SCEL: variants seen among roughly 807,000 people sequenced by gnomAD.
SCEL encodes sciellin.
Under a neutral mutation model 117.6 loss-of-function variants are expected in SCEL, and 113 were observed. The observed-to-expected ratio is 0.96, with a 90% confidence interval of 0.83 to 1.12. The LOEUF (loss-of-function observed/expected upper bound fraction) is 1.12. Among genes scored for constraint, SCEL ranks in the 50% most tolerant of loss-of-function variants. SCEL has a pLI of 0.00. For missense variants in SCEL, 785 were observed against 810.8 expected, an observed-to-expected ratio of 0.97 and a Z score of 0.39; for synonymous variants, 270 against 256.2, an observed-to-expected ratio of 1.05 and a Z score of -0.51.
chr13:77,602,039 C>T (rs558204753), intron 15 of SCEL, 26 bp from the exon 16 acceptor site: 2 of 1,588,986 alleles, frequency 1.3e-6, no homozygotes, highest in East Asian at 2.2e-5. Flanking sequence ...CTCTCTTTCT[C>T]TTTCTTTTCC....
chr13:77,546,051 G>A (rs1251559195), intron 1 of SCEL, among the ~76,000 whole-genome samples: 3 of 152,208 alleles, frequency 2.0e-5, no homozygotes, highest in African/African-American at 7.2e-5. Context: ...ACGTTATCAA[G>A]CTATCCAGTA....
intron 7 of SCEL, among the ~76,000 whole-genome samples, chr13:77,568,712 T>C (rs2085425051): frequency 6.6e-6 from 1 of 152,068 alleles, no homozygotes; most frequent in Non-Finnish European, 1.5e-5. Context: ...CTATGCCTCC[T>C]CCTTCAGAGA....
At position 77,589,232 on chromosome 13, in the gene SCEL, C is replaced by G; in HGVS notation, c.626+8C>G. ...GCTGAGACAGGATAATAGGTAAGAC[C>G]TAGTACTCCAGAATTTCTTGACAAA... is the stretch of plus-strand genomic sequence containing the variant. On this transcript the variant is annotated splice_region_variant and intron_variant, in intron 10 of 32. Coordinates refer to ENST00000349847, the MANE Select transcript of SCEL (RefSeq NM_144777.3). 1 of 1,586,784 alleles carries G rather than the reference C, an allele frequency of 6.3e-7. No homozygotes were observed. Among genetic ancestry groups the G allele is most frequent in the Non-Finnish European group, 8.6e-7 (1 of 1,156,696 alleles).
intron 9 of SCEL, among the ~76,000 whole-genome samples, chr13:77,572,619 C>T (rs539983703): frequency 6.6e-6 from 1 of 152,254 alleles, no homozygotes; most frequent in East Asian, 1.9e-4. Flanking sequence ...TCCTGGTAAT[C>T]ATTGACATTG....
chr13:77,599,660 C>T, intron 14 of SCEL, 29 bp from the exon 15 acceptor site: 1 of 1,533,600 alleles, frequency 6.5e-7, no homozygotes, highest in Non-Finnish European at 9.0e-7. Flanking sequence ...AGTATGCAGC[C>T]TTTTATGTGA....
intron 28 of SCEL, among the ~76,000 whole-genome samples, chr13:77,631,664 C>A (rs1172263434): frequency 3.3e-5 from 5 of 152,010 alleles, no homozygotes; most frequent in Admixed American, 3.3e-4. Context: ...AATTATCATC[C>A]TCAAAGTCTA....
chr13:77,538,186 G>A (rs375228173), intron 1 of SCEL, among the ~76,000 whole-genome samples: 35 of 150,252 alleles, frequency 2.3e-4, no homozygotes, highest in Non-Finnish European at 4.7e-4. Flanking sequence ...GCACAATCTC[G>A]GGTTACTGCA....
At chr13:77,629,956 A>G (rs926317769) in intron 28 of SCEL, among the ~76,000 whole-genome samples, 6 of 152,194 alleles carry the variant, frequency 3.9e-5, no homozygotes, top group African/African-American at 1.4e-4. Flanking sequence ...CAGTCAAGCA[A>G]GGGATGTCAG....
At chr13:77,630,367 C>A (rs1323615) in intron 28 of SCEL, among the ~76,000 whole-genome samples, 135,390 of 152,222 alleles carry the variant, frequency 0.89, 60,493 homozygotes, top group South Asian at 0.97. Context: ...TAAGAACTGT[C>A]ATACTTTTCA....
chr13:77,599,613 G>C, intron 14 of SCEL, 76 bp from the exon 15 acceptor site: 1 of 1,089,448 alleles, frequency 9.2e-7, no homozygotes, highest in Admixed American at 1.7e-5. Flanking sequence ...AATGTTTATT[G>C]CATTTGACCT....
intron 2 of SCEL, 64 bp downstream of exon 2, chr13:77,555,982 T>A: frequency 8.2e-7 from 1 of 1,222,244 alleles, no homozygotes; most frequent in Non-Finnish European, 1.2e-6. Context: ...AACTCACAGA[T>A]CTCAATTCTT....
intron 9 of SCEL, among the ~76,000 whole-genome samples, chr13:77,585,465 G>T (rs2086508303): frequency 6.6e-6 from 1 of 152,070 alleles, no homozygotes; most frequent in Non-Finnish European, 1.5e-5. Context: ...GTCATGTGGG[G>T]TGAAAACAAC....
chr13:77,572,277 G>T, intron 9 of SCEL, 88 bp downstream of exon 9: 2 of 1,083,916 alleles, frequency 1.8e-6, no homozygotes, highest in Admixed American at 2.0e-5. Context: ...GGATGTTTTG[G>T]GATAAATTGG....
intron 10 of SCEL, among the ~76,000 whole-genome samples, chr13:77,590,556 A>C (rs1164612375): frequency 1.3e-5 from 2 of 152,124 alleles, no homozygotes; most frequent in East Asian, 3.8e-4. Flanking sequence ...TCTAATCTAA[A>C]ATCAGCATCA....
At chr13:77,572,660 T>C (rs1214713484) in intron 9 of SCEL, among the ~76,000 whole-genome samples, 2 of 152,238 alleles carry the variant, frequency 1.3e-5, no homozygotes, top group Admixed American at 6.5e-5. Flanking sequence ...ACCTGATCGC[T>C]GCCTTCATCT....
intron 1 of SCEL, among the ~76,000 whole-genome samples, chr13:77,543,244 C>T (rs999506701): frequency 8.6e-5 from 13 of 151,694 alleles, no homozygotes; most frequent in Admixed American, 2.6e-4. Context: ...CCACCACGCC[C>T]GGCTAATTTT....
At chr13:77,607,927 A>G (rs543431802) in intron 19 of SCEL, 129 bp from the exon 20 acceptor site, 53 of 605,058 alleles carry the variant, frequency 8.8e-5, no homozygotes, top group East Asian at 6.6e-4. Flanking sequence ...TCAGTCTTCA[A>G]CTCCTTGGCA....
chr13:77,580,365 T>C (rs1260900677), intron 9 of SCEL, among the ~76,000 whole-genome samples: 1 of 152,196 alleles, frequency 6.6e-6, no homozygotes, highest in East Asian at 1.9e-4. Context: ...TTTCTTGTTT[T>C]TGAGACTTTT....
chr13:77,615,674 G>A (rs1256537598), intron 24 of SCEL, among the ~76,000 whole-genome samples: 1 of 151,958 alleles, frequency 6.6e-6, no homozygotes, highest in Non-Finnish European at 1.5e-5. Flanking sequence ...TGCATGTTTT[G>A]CAGGATCTAG....
Sources: allele counts gnomAD v4.1 joint callset (sites outside exome capture counted in the v4.1 genomes callset), GRCh38; gene constraint gnomAD v4.1.1; transcripts MANE v1.5; gene names NCBI Gene and HGNC (gene_info 2026-07-23, HGNC 2026-07-21).